Variants in PHF2 observed in about 807,000 individuals in gnomAD.
PHF2 encodes the protein PHD finger protein 2, also known as lysine-specific demethylase PHF2.
Under a neutral mutation model 120.5 loss-of-function variants are expected in PHF2, and 27 were observed. The ratio of observed to expected loss-of-function variants is 0.22; its 90% confidence interval spans 0.17 to 0.31. The LOEUF is 0.31. Ranked by LOEUF, PHF2 falls within the 10% of genes least tolerant of loss-of-function variation. PHF2 has a pLI of 1.00. For synonymous variants in PHF2, 568 were observed against 592.5 expected, an observed-to-expected ratio of 0.96 and a Z score of 0.60; for missense variants, 1,024 against 1,434.8, an observed-to-expected ratio of 0.71 and a Z score of 4.63.
intron 1 of PHF2, among the ~76,000 whole-genome samples, chr9:93,607,124 A>T (rs1367275974): frequency 6.6e-6 from 1 of 152,186 alleles, no homozygotes; most frequent in Non-Finnish European, 1.5e-5. Context: ...GGAGGCCTCA[A>T]AGTCATGGAG....
chr9:93,648,278 G>A (rs1300046458), intron 4 of PHF2, among the ~76,000 whole-genome samples: 2 of 152,156 alleles, frequency 1.3e-5, no homozygotes, highest in Non-Finnish European at 2.9e-5. Flanking sequence ...CTCTGTCCCG[G>A]GTGTTTCCTA....
intron 19 of PHF2, 39 bp downstream of exon 19, chr9:93,675,061 C>A: frequency 1.3e-6 from 2 of 1,497,290 alleles, no homozygotes; most frequent in South Asian, 2.3e-5. Flanking sequence ...ACCTGACACC[C>A]AGTGTGGAAG....
chr9:93,645,796 G>A lies in PHF2; in HGVS notation c.460+7G>A, dbSNP rs768079610. 1.4e-5 allele frequency: 22 copies of A among 1,574,798 alleles called. No individual in the cohort carries two copies. In the Admixed American group the frequency reaches 1.6e-4, roughly 11 times the overall value. The stretch of plus-strand genomic sequence containing the variant: ...GACGTCGAGAACTACGTGGGTAAGC[G>A]CCATCCCCTTCACAGTGCTCTGGGG... On this transcript the variant is annotated splice_region_variant and intron_variant, in intron 4 of 21. Transcript: ENST00000359246.
intron 1 of PHF2, among the ~76,000 whole-genome samples, chr9:93,578,914 T>C (rs10992789): frequency 0.56 from 84,779 of 152,072 alleles, 24,369 homozygotes; most frequent in African/African-American, 0.69. Context: ...TTGGGGTGGC[T>C]GTGGGGTCTG....
chr9:93,650,871 A>G (rs1285344984), intron 5 of PHF2, among the ~76,000 whole-genome samples: 1 of 152,210 alleles, frequency 6.6e-6, no homozygotes. Flanking sequence ...CTGAAAGCAC[A>G]TAACACGTGC....
chr9:93,594,863 A>G (rs528370501), intron 1 of PHF2: 10 of 153,638 alleles, frequency 6.5e-5, no homozygotes, highest in African/African-American at 2.4e-4. Flanking sequence ...GGTTTTTGCT[A>G]TTGGTTTTAA....
In PHF2 at chr9:93,659,421, G is replaced by A. The variant is rs988932300; in HGVS notation, c.1240-90G>A. On this transcript the variant is annotated intron_variant, in intron 10 of 21. Transcript: ENST00000359246. ...CGCCTCATGCTCATCTGAGTGGCTC[G>A]GCAGTCAGGCGACAGCCTGCAAGAA... 3.4e-5 allele frequency: 35 copies of A among 1,026,036 alleles called. 1 individual carries two copies. Among genetic ancestry groups the A allele is most frequent in the South Asian group, 2.4e-4 (17 of 70,326 alleles). The allele number at this position is 1,026,036 out of a possible 1,614,324, so 63.6% of individuals were successfully genotyped here. A position where few individuals can be genotyped will look rare whatever the true frequency, so the allele number is the denominator to read the frequency against.
Position 93,676,724 on chromosome 9 carries a change from C to CTGCCTCCACCACACA in PHF2, c.2963_2964insTGCCTCCACCACACA (p.Thr992_Pro993insGlnAlaSerThrThr). On this transcript the variant is annotated inframe_insertion, in exon 21 of 22. Transcript: ENST00000359246. The stretch of plus-strand genomic sequence containing the variant: ...TCCACCACGCCAGCCTCTACCACCC[C>CTGCCTCCACCACACA]GGCCTCCACCACCCCGGCCTCCACC... 6.4e-7 allele frequency: 1 copy of CTGCCTCCACCACACA among 1,559,710 alleles called. No homozygotes were observed. The highest frequency in any genetic ancestry group is 8.7e-7 in the Non-Finnish European group (1 of 1,152,160).
chr9:93,677,834 G>A lies in PHF2; in HGVS notation c.*158G>A. 1 of 614,396 alleles carries A rather than the reference G, an allele frequency of 1.6e-6. No homozygotes were observed. Among genetic ancestry groups the A allele is most frequent in the Non-Finnish European group, 2.9e-6 (1 of 341,840 alleles). The allele number at this position is 614,396 out of a possible 1,614,324, so 38.1% of individuals were successfully genotyped here. On this transcript the variant is annotated 3_prime_UTR_variant, in exon 22 of 22. Coordinates refer to ENST00000359246, the MANE Select transcript of PHF2 (RefSeq NM_005392.4). This position sits in a 1 kb window ranked among gnomAD's most constrained non-coding sequence, Gnocchi z 4.4. ...CAAGCGTCTGTCCCTTCAGCCGGCA[G>A]AGCGAGCCCAGCGTGGCCCCTCAAT...
At chr9:93,592,913 TC>T (rs1179998825) in intron 1 of PHF2, among the ~76,000 whole-genome samples, 1 of 151,844 alleles carries the variant, frequency 6.6e-6, no homozygotes, top group Non-Finnish European at 1.5e-5. Flanking sequence ...AGACTCCCTC[TC>T]CAACTGGAGG....
At position 93,676,731 on chromosome 9, in the gene PHF2, C is replaced by T. The variant is rs767727740; in HGVS notation, c.2970C>T (p.Ser990=). The part of the protein sequence containing the change: ...STTPASTTPA[S]TTPASTSTAS... ...CGCCAGCCTCTACCACCCCGGCCTC[C>T]ACCACCCCGGCCTCCACCAGCACGG... Residue 990 remains serine, a synonymous_variant, in exon 21 of 22, where the codon TCC becomes TCT. Coordinates refer to ENST00000359246, the MANE Select transcript of PHF2 (RefSeq NM_005392.4). 3 of 1,557,696 alleles carry T rather than the reference C, an allele frequency of 1.9e-6. No homozygotes were observed. Among genetic ancestry groups the T allele is most frequent in the Non-Finnish European group, 2.6e-6 (3 of 1,151,046 alleles).
chr9:93,654,580 G>T lies in PHF2; in HGVS notation c.952+5G>T. ...AGACCCTCTTCATCCCCTCAGGTGA[G>T]TGCGGGCAGCTTTGGGGACCATGTA... On this transcript the variant is annotated splice_donor_5th_base_variant and intron_variant, in intron 7 of 21. Coordinates refer to ENST00000359246, the MANE Select transcript of PHF2 (RefSeq NM_005392.4). The T allele has an allele frequency of 6.2e-7, 1 of 1,611,648 alleles. No homozygotes were observed. The highest frequency in any genetic ancestry group is 8.5e-7 in the Non-Finnish European group (1 of 1,178,648).
chr9:93,599,494 G>A (rs894259141), intron 1 of PHF2, among the ~76,000 whole-genome samples: 15 of 152,342 alleles, frequency 9.8e-5, no homozygotes, highest in African/African-American at 3.6e-4. Context: ...GCGAGGAGAT[G>A]GAGTGCGTGG....
In PHF2 at chr9:93,676,602, G is replaced by C; in HGVS notation, c.2841G>C (p.Gln947His). The change falls in exon 21 of 22, where the codon CAG becomes CAC. Residue 947 changes from glutamine to histidine, a missense_variant. Transcript: ENST00000359246. Reference sequence around the variant, plus strand: ...GCATGTTTTGTTCAAAGGAGGAGCAGAAAAGCAAGAAAAAAAAGAGTGCCA... The same window carrying C: ...GCATGTTTTGTTCAAAGGAGGAGCACAAAAGCAAGAAAAAAAAGAGTGCCA... ...AAAKLSQQEE[Q>H]KSKKKKSAKR... is the part of the protein sequence containing the mutation. The C allele has an allele frequency of 6.3e-7, 1 of 1,596,480 alleles. No individual in the cohort carries two copies. The highest frequency in any genetic ancestry group is 8.6e-7 in the Non-Finnish European group (1 of 1,167,822).
chr9:93,602,871 C>T (rs1424330310), intron 1 of PHF2, among the ~76,000 whole-genome samples: 1 of 152,148 alleles, frequency 6.6e-6, no homozygotes, highest in Non-Finnish European at 1.5e-5. Context: ...AGCCTCAGGG[C>T]AGACTGGTGA....
intron 2 of PHF2, among the ~76,000 whole-genome samples, chr9:93,635,172 G>A (rs1282471364): frequency 6.6e-6 from 1 of 152,134 alleles, no homozygotes; most frequent in Non-Finnish European, 1.5e-5. Flanking sequence ...TGTGGGCAGG[G>A]AGATTGAACA....
At chr9:93,635,581 C>G (rs150626556) in intron 2 of PHF2, among the ~76,000 whole-genome samples, 1 of 152,266 alleles carries the variant, frequency 6.6e-6, no homozygotes, top group Admixed American at 6.5e-5. Context: ...AGGGACTTAG[C>G]GGGGTGGAGA....
At chr9:93,664,939 C>T (rs1373926357) in intron 14 of PHF2, among the ~76,000 whole-genome samples, 1 of 152,244 alleles carries the variant, frequency 6.6e-6, no homozygotes, top group Non-Finnish European at 1.5e-5. Context: ...TCTGCACTTC[C>T]ATTTGCTCAG....
intron 12 of PHF2, 51 bp from the exon 13 acceptor site, chr9:93,662,856 T>C (rs3750358): frequency 0.63 from 1,002,398 of 1,602,890 alleles, 320,135 homozygotes; most frequent in Non-Finnish European, 0.66. Context: ...TCAAGAGAGT[T>C]CCACCAGCCC....
Sources: gnomAD v4.1 joint callset for allele counts (sites outside exome capture counted in the v4.1 genomes callset) on GRCh38, gnomAD v4.1.1 for gene constraint, Gnocchi (gnomAD v3.1) non-coding constraint, MANE v1.5 for transcripts, NCBI Gene and HGNC (gene_info 2026-07-23, HGNC 2026-07-21) for gene names.